The following CLDN20 variants were observed in gnomAD, a reference collection of about 807,000 sequenced individuals.
The protein encoded by CLDN20 is claudin 20, also known as claudin-20.
For missense variants in CLDN20, 258 were observed against 267.9 expected (o/e 0.96, Z 0.26); for synonymous variants, 104 against 103.6 (o/e 1.00, Z -0.03).
intron 1 of CLDN20, among the ~76,000 whole-genome samples, chr6:155,269,469 G>A (rs1784827328): frequency 6.6e-6 from 1 of 151,950 alleles, no homozygotes; most frequent in Non-Finnish European, 1.5e-5. Flanking sequence ...CTAATGGCAT[G>A]TGCCACTACG....
At chr6:155,274,527 T>C (rs1785080603) in intron 1 of CLDN20, among the ~76,000 whole-genome samples, 1 of 152,246 alleles carries the variant, frequency 6.6e-6, no homozygotes, top group Non-Finnish European at 1.5e-5. Context: ...TACTTCTGAA[T>C]TGTTCAGAAT....
At chr6:155,268,193 T>C (rs1784750808) in intron 1 of CLDN20, among the ~76,000 whole-genome samples, 1 of 152,324 alleles carries the variant, frequency 6.6e-6, no homozygotes, top group Admixed American at 6.5e-5. Flanking sequence ...TCCCAGAGTC[T>C]GTCTGTCTCC....
intron 1 of CLDN20, among the ~76,000 whole-genome samples, chr6:155,272,988 G>T (rs1785004106): frequency 6.6e-6 from 1 of 152,200 alleles, no homozygotes; most frequent in Admixed American, 6.5e-5. Flanking sequence ...GAAAGAGAGA[G>T]GGAGAGAGAA....
At chr6:155,265,180 G>C (rs1405135040) in intron 1 of CLDN20, among the ~76,000 whole-genome samples, 1 of 151,938 alleles carries the variant, frequency 6.6e-6, no homozygotes, top group East Asian at 1.9e-4. Flanking sequence ...AGGCAGCTTC[G>C]AGGCTGCCCA....
chr6:155,269,582 A>C (rs527811752), intron 1 of CLDN20, among the ~76,000 whole-genome samples: 8 of 152,150 alleles, frequency 5.3e-5, no homozygotes, highest in African/African-American at 1.7e-4. Context: ...TCAGCCTCCC[A>C]AAGTGTTGGG....
At position 155,275,874 on chromosome 6, in the gene CLDN20, T is replaced by C. The variant is rs988448746; in HGVS notation, c.155T>C (p.Met52Thr). Residue 52 changes from methionine (M) to threonine (T), a missense_variant, in exon 2 of 2, where the codon ATG becomes ACG. Physicochemically the swap from Met to Thr is moderately conservative, Grantham distance 81. Coordinates refer to ENST00000367165, the MANE Select transcript of CLDN20 (RefSeq NM_001001346.3). ...TAIVQLHGLW[M>T]DCTWYSTGMF... Reference sequence around the variant, plus strand: ...ATTGTACAGCTGCACGGGCTCTGGATGGACTGTACGTGGTACAGCACTGGG... The same window carrying C: ...ATTGTACAGCTGCACGGGCTCTGGACGGACTGTACGTGGTACAGCACTGGG... 1.2e-6 allele frequency: 2 copies of C among 1,614,186 alleles called. No individual in the cohort carries two copies. The highest frequency in any genetic ancestry group is 1.3e-5 in the African/African-American group (1 of 75,040).
chr6:155,271,979 G>T (rs368446425), intron 1 of CLDN20, among the ~76,000 whole-genome samples: 5 of 152,040 alleles, frequency 3.3e-5, no homozygotes, highest in Non-Finnish European at 5.9e-5. Context: ...GGAGAACCTG[G>T]TATTTATCTT....
At chr6:155,266,615 A>AG (rs1210959139) in intron 1 of CLDN20, among the ~76,000 whole-genome samples, 1 of 151,962 alleles carries the variant, frequency 6.6e-6, no homozygotes, top group Non-Finnish European at 1.5e-5. Context: ...GGAAGGCCAA[A>AG]GCGGGCGAAT....
rs1363738218 is a variant in CLDN20, at chr6:155,264,086, A to G, written c.-307A>G. ...GGAAGCATATGGCATCTTGCAGGCT[A>G]TAGGCACCACAAAATGGAACGCAGG... is the stretch of plus-strand genomic sequence containing the variant. On this transcript the variant is annotated 5_prime_UTR_variant, in exon 1 of 2. Coordinates refer to ENST00000367165, the MANE Select transcript of CLDN20 (RefSeq NM_001001346.3). 1 of 152,284 alleles carries G rather than the reference A, an allele frequency of 6.6e-6. No homozygotes were observed. The highest frequency in any genetic ancestry group is 2.4e-5 in the African/African-American group (1 of 41,470). 9.4% of individuals were successfully genotyped at this position (152,284 alleles called of 1,614,324 possible).
chr6:155,272,980 AAG>A (rs1267001850), intron 1 of CLDN20, among the ~76,000 whole-genome samples: 3 of 152,220 alleles, frequency 2.0e-5, no homozygotes, highest in African/African-American at 7.2e-5. Flanking sequence ...AGTAGAAAGA[AAG>A]AGAGAGGGAG....
chr6:155,272,615 G>C (rs925176571), intron 1 of CLDN20, among the ~76,000 whole-genome samples: 4 of 151,968 alleles, frequency 2.6e-5, no homozygotes, highest in African/African-American at 9.7e-5. Context: ...TTATACTCGT[G>C]GCTGGAGGGT....
chr6:155,265,710 T>C (rs1414672907), intron 1 of CLDN20, among the ~76,000 whole-genome samples: 2 of 146,004 alleles, frequency 1.4e-5, no homozygotes, highest in East Asian at 3.9e-4. Flanking sequence ...AAATATTAAA[T>C]ATATTTATAT....
In CLDN20 at chr6:155,265,937, C is replaced by T. The variant is rs113732082; in HGVS notation, c.-105+1649C>T. On this transcript the variant is annotated intron_variant, in intron 1 of 1. Coordinates refer to ENST00000367165, the MANE Select transcript of CLDN20 (RefSeq NM_001001346.3). ...CCAATGTTTGAGGATAGGAAGCATC[C>T]AGCACGTGAGAAAAGATGTGGGCTG... Among the ~76,000 whole-genome samples the T allele has an allele frequency of 1.0e-2, 1,518 of 151,830 alleles. 26 individuals carry two copies. Among genetic ancestry groups the T allele is most frequent in the Non-Finnish European group, 0.011 (778 of 67,964 alleles).
chr6:155,276,358 C>G lies in CLDN20; in HGVS notation c.639C>G (p.His213Gln). 6.2e-7 allele frequency: 1 copy of G among 1,612,984 alleles called. No homozygotes were observed. The highest frequency in any genetic ancestry group is 8.5e-7 in the Non-Finnish European group (1 of 1,179,840). ...SNTQLENNSTHNLKDYV is the reference protein window; with the variant it reads ...SNTQLENNSTQNLKDYV ...CACAGCTCGAGAACAATTCCACACA[C>G]AATCTGAAGGATTATGTGTAAATAA... The change falls in exon 2 of 2, where the codon CAC (histidine) becomes CAG (glutamine). Residue 213 changes from histidine to glutamine, a missense_variant. By Grantham distance (24) the His-to-Gln change is conservative. Transcript: ENST00000367165.
At position 155,276,218 on chromosome 6, in the gene CLDN20, G is replaced by A. The variant is rs757725806; in HGVS notation, c.499G>A (p.Gly167Arg). 1.1e-4 allele frequency: 185 copies of A among 1,613,878 alleles called. No homozygotes were observed. The highest frequency in any genetic ancestry group is 1.5e-4 in the Non-Finnish European group (178 of 1,180,000). The change falls in exon 2 of 2, where the codon GGA becomes AGA. Residue 167 changes from glycine to arginine, a missense_variant. Physicochemically the swap from Gly to Arg is moderately radical, Grantham distance 125. Transcript: ENST00000367165. ...TGAACCTGGAGGAGCTATCTATATC[G>A]GATTCATTTCTGCAATGCTGTTGTT... ...KHEPGGAIYI[G>R]FISAMLLFIS...
At chr6:155,268,593 G>A (rs1784769073) in intron 1 of CLDN20, among the ~76,000 whole-genome samples, 1 of 152,148 alleles carries the variant, frequency 6.6e-6, no homozygotes, top group Admixed American at 6.5e-5. Flanking sequence ...ACACACTAAG[G>A]GAAGCTAAAG....
chr6:155,273,226 G>T (rs1340064256), intron 1 of CLDN20, among the ~76,000 whole-genome samples: 1 of 152,192 alleles, frequency 6.6e-6, no homozygotes, highest in Non-Finnish European at 1.5e-5. Context: ...AAACAGAAAA[G>T]AAACTGTATG....
chr6:155,276,264 G>T lies in CLDN20; in HGVS notation c.545G>T (p.Cys182Phe). Residue 182 changes from cysteine (C) to phenylalanine (F), a missense_variant, in exon 2 of 2, where the codon TGC becomes TTC. Physicochemically the swap from Cys to Phe is radical, Grantham distance 205. Coordinates refer to ENST00000367165, the MANE Select transcript of CLDN20 (RefSeq NM_001001346.3). ...MLLFISGMIF[C>F]TSCIKRNPEA... ...TTGTTTATCTCTGGCATGATTTTCTGCACCTCCTGTATAAAAAGGAATCCA... is the reference window on the plus strand; with the variant it reads ...TTGTTTATCTCTGGCATGATTTTCTTCACCTCCTGTATAAAAAGGAATCCA... 6.2e-7 allele frequency: 1 copy of T among 1,613,980 alleles called. No individual in the cohort carries two copies. Among genetic ancestry groups the T allele is most frequent in the Non-Finnish European group, 8.5e-7 (1 of 1,179,990 alleles).
rs560847017 is a variant in CLDN20, at chr6:155,264,176, C to T, written c.-217C>T. On this transcript the variant is annotated 5_prime_UTR_variant, in exon 1 of 2. Coordinates refer to ENST00000367165, the MANE Select transcript of CLDN20 (RefSeq NM_001001346.3). ...AACAACGGAGCAAGATGAGTGCCTC[C>T]GGATGCTTGGTTTCCCCACCCTCCA... The T allele has an allele frequency of 1.3e-5, 2 of 152,232 alleles. No homozygotes were observed. Among genetic ancestry groups the T allele is most frequent in the South Asian group, 4.1e-4 (2 of 4,826 alleles). The allele number at this position is 152,232 out of a possible 1,614,324, so 9.4% of individuals were successfully genotyped here. A position where few individuals can be genotyped will look rare whatever the true frequency, so the allele number is the denominator to read the frequency against.
Sources: gnomAD v4.1 joint callset for allele counts (sites outside exome capture counted in the v4.1 genomes callset) on GRCh38, gnomAD v4.1.1 for gene constraint, MANE v1.5 for transcripts, NCBI Gene and HGNC (gene_info 2026-07-23, HGNC 2026-07-21) for gene names.